The following CTNND2 variants were observed in gnomAD, a reference collection of about 807,000 sequenced individuals.
CTNND2 encodes the protein catenin delta 2, also known as catenin delta-2.
A neutral mutation model predicts 144.4 loss-of-function variants in CTNND2; 22 were observed. The observed-to-expected ratio is 0.15, with a 90% CI of 0.11 to 0.22. The LOEUF is 0.22. Among genes scored for constraint, CTNND2 ranks in the 10% least tolerant of loss-of-function variants. The pLI is 1.00. For missense variants in CTNND2, 1,353 were observed against 1,618.8 expected (o/e 0.84, Z 2.82); for synonymous variants, 751 against 695.6 (o/e 1.08, Z -1.25).
At chr5:11,205,507 G>A (rs2149837439) in intron 10 of CTNND2, among the ~76,000 whole-genome samples, 1 of 152,016 alleles carries the variant, frequency 6.6e-6, no homozygotes, top group African/African-American at 2.4e-5. Flanking sequence ...ATAAGCTACT[G>A]GAAGATACAA....
At chr5:11,201,087 T>C (rs1398178647) in intron 10 of CTNND2, among the ~76,000 whole-genome samples, 1 of 152,232 alleles carries the variant, frequency 6.6e-6, no homozygotes, top group Non-Finnish European at 1.5e-5. Flanking sequence ...CCAGCATTCT[T>C]GTTTATCTTC....
chr5:11,240,834 CCCCCAACACACACCCAACACA>C (rs1742324824), intron 9 of CTNND2, among the ~76,000 whole-genome samples: 2 of 140,970 alleles, frequency 1.4e-5, no homozygotes, highest in Admixed American at 7.0e-5. Flanking sequence ...GCACACACAC[CCCCCAACACACACCCAACACA>C]TACACTCAGC....
At chr5:11,582,037 A>G (rs1304073398) in intron 2 of CTNND2, among the ~76,000 whole-genome samples, 3 of 152,334 alleles carry the variant, frequency 2.0e-5, no homozygotes, top group African/African-American at 7.2e-5. Context: ...TGAGATTAAC[A>G]AAGGATGGAG....
At chr5:11,112,177 G>A (rs777430998) in intron 13 of CTNND2, among the ~76,000 whole-genome samples, 7 of 152,076 alleles carry the variant, frequency 4.6e-5, no homozygotes, top group Non-Finnish European at 8.8e-5. Context: ...TGGAACCTGC[G>A]CGTATGTTAG....
At chr5:11,372,569 T>C (rs1410864079) in intron 7 of CTNND2, among the ~76,000 whole-genome samples, 2 of 152,138 alleles carry the variant, frequency 1.3e-5, no homozygotes, top group Non-Finnish European at 2.9e-5. Context: ...AAGGTGGTAC[T>C]GGTAATAGTA....
Position 10,988,288 on chromosome 5 carries a change from A to G in CTNND2, c.3212-46T>C, listed in dbSNP as rs1420703324. 2 of 1,611,032 alleles carry G rather than the reference A, an allele frequency of 1.2e-6. No homozygotes were observed. The highest frequency in any genetic ancestry group is 1.3e-5 in the African/African-American group (1 of 74,934). ...GGGGATTTTCTGCATCTCATCCCAC[A>G]GCGTGTGTGCCTTCCACACAGTCAG... is the stretch of plus-strand genomic sequence containing the variant. On this transcript the variant is annotated intron_variant, in intron 19 of 21. Transcript: ENST00000304623. The surrounding 1 kb of genome is among the most constrained non-coding windows in gnomAD (Gnocchi z 5.9).
chr5:11,574,870 G>A (rs1260896648), intron 2 of CTNND2, among the ~76,000 whole-genome samples: 3 of 152,154 alleles, frequency 2.0e-5, no homozygotes, highest in Non-Finnish European at 2.9e-5. Context: ...AGCCAAAATC[G>A]ATGACTTGCA....
rs1225112113 is a variant in CTNND2 at position 11,097,726 on chromosome 5, T to C, written c.2637+849A>G. On this transcript the variant is annotated intron_variant, in intron 15 of 21. Transcript: ENST00000304623. Reference sequence around the variant, plus strand: ...TGATGTCCGTGTGTATATGTTAACATGGTTTGGATGAAAATAAATGTAAAG... The same window carrying C: ...TGATGTCCGTGTGTATATGTTAACACGGTTTGGATGAAAATAAATGTAAAG... Among the ~76,000 whole-genome samples, 4 of 152,142 alleles carry C rather than the reference T, an allele frequency of 2.6e-5. No individual in the cohort carries two copies. The East Asian group carries it at 5.8e-4, about 22-fold the overall frequency.
intron 2 of CTNND2, among the ~76,000 whole-genome samples, chr5:11,623,965 T>G (rs1022376089): frequency 1.3e-5 from 2 of 150,852 alleles, no homozygotes; most frequent in Non-Finnish European, 3.0e-5. Flanking sequence ...ACTGACATTA[T>G]TAGATCAATC....
chr5:11,130,796 C>A (rs183402106), intron 12 of CTNND2, among the ~76,000 whole-genome samples: 1 of 152,164 alleles, frequency 6.6e-6, no homozygotes, highest in Non-Finnish European at 1.5e-5. Flanking sequence ...GTCCATCCCC[C>A]GGGTCAGTGC....
intron 16 of CTNND2, among the ~76,000 whole-genome samples, chr5:11,029,478 G>A (rs1293521837): frequency 6.6e-6 from 1 of 151,982 alleles, no homozygotes; most frequent in South Asian, 2.1e-4. Context: ...TTACCACAGG[G>A]ATTACATTTA....
intron 9 of CTNND2, among the ~76,000 whole-genome samples, chr5:11,286,145 T>A (rs1270055896): frequency 6.6e-6 from 1 of 151,638 alleles, no homozygotes; most frequent in Non-Finnish European, 1.5e-5. Context: ...AATATTTAAA[T>A]AAGAAAATAA....
intron 2 of CTNND2, among the ~76,000 whole-genome samples, chr5:11,566,718 G>A (rs1777132524): frequency 6.6e-6 from 1 of 152,164 alleles, no homozygotes; most frequent in African/African-American, 2.4e-5. Flanking sequence ...TCATCAACCA[G>A]GGGCTTCCGC....
intron 3 of CTNND2, among the ~76,000 whole-genome samples, chr5:11,436,620 A>T (rs1173663116): frequency 6.6e-6 from 1 of 152,238 alleles, no homozygotes; most frequent in Non-Finnish European, 1.5e-5. Context: ...GACTGATTCA[A>T]AAAGAATGAA....
intron 9 of CTNND2, among the ~76,000 whole-genome samples, chr5:11,311,640 C>G (rs910505621): frequency 2.3e-4 from 34 of 149,052 alleles, no homozygotes; most frequent in African/African-American, 8.2e-4. Flanking sequence ...CACATGCACT[C>G]ACACTCCCGA....
At chr5:11,000,784 C>T (rs1739874645) in intron 18 of CTNND2, among the ~76,000 whole-genome samples, 1 of 152,162 alleles carries the variant, frequency 6.6e-6, no homozygotes, top group Non-Finnish European at 1.5e-5. Context: ...CAATGTGACT[C>T]ATCAGGCTGG....
chr5:11,350,762 C>T (rs914457026), intron 8 of CTNND2, among the ~76,000 whole-genome samples: 3 of 152,042 alleles, frequency 2.0e-5, no homozygotes, highest in South Asian at 2.1e-4. Flanking sequence ...TATAATCATA[C>T]AGAAGAAAAT....
chr5:11,170,197 C>A (rs927685600), intron 11 of CTNND2, among the ~76,000 whole-genome samples: 1 of 152,140 alleles, frequency 6.6e-6, no homozygotes, highest in African/African-American at 2.4e-5. Context: ...AAACGTCAGA[C>A]ACATAAATTT....
chr5:11,719,168 T>C lies in CTNND2; in HGVS notation c.174+12968A>G, dbSNP rs185242648. Among the ~76,000 whole-genome samples, 16 of 152,328 alleles carry C rather than the reference T, an allele frequency of 1.1e-4. No individual in the cohort carries two copies. The East Asian group carries it at 2.7e-3, about 26-fold the overall frequency. ...TCAGTAAGAAAATGCTGGAGGAATCTGAAGTAAGTCTACTGATTCCAAATG... is the reference window on the plus strand; with the variant it reads ...TCAGTAAGAAAATGCTGGAGGAATCCGAAGTAAGTCTACTGATTCCAAATG... On this transcript the variant is annotated intron_variant, in intron 2 of 21. Transcript: ENST00000304623.
Sources: allele counts gnomAD v4.1 joint callset (sites outside exome capture counted in the v4.1 genomes callset), GRCh38; gene constraint gnomAD v4.1.1; non-coding constraint Gnocchi (gnomAD v3.1); transcripts MANE v1.5; gene names NCBI Gene and HGNC (gene_info 2026-07-23, HGNC 2026-07-21).